Variants in ARAP3 observed in about 807,000 individuals in gnomAD.
ARAP3 encodes ArfGAP with RhoGAP domain, ankyrin repeat and PH domain 3.
In ARAP3, 82 loss-of-function variants were observed where a neutral mutation model predicts 169.2. The observed-to-expected ratio is 0.48, with a 90% CI of 0.41 to 0.58. The LOEUF is 0.58. ARAP3 is among the 20% of genes least tolerant of loss of function. ARAP3 has a pLI of 0.00. For missense variants in ARAP3, 1,764 were observed against 2,018.0 expected, an observed-to-expected ratio of 0.87 and a Z score of 2.41; for synonymous variants, 791 against 800.3, an observed-to-expected ratio of 0.99 and a Z score of 0.20.
chr5:141,678,005 C>T (rs537617076), intron 4 of ARAP3, among the ~76,000 whole-genome samples: 2 of 149,642 alleles, frequency 1.3e-5, no homozygotes, highest in East Asian at 2.0e-4. Context: ...TGGAGTGCAG[C>T]GGCACAACCT....
chr5:141,675,652 G>A (rs2099912078), intron 4 of ARAP3, among the ~76,000 whole-genome samples: 1 of 151,942 alleles, frequency 6.6e-6, no homozygotes, highest in Non-Finnish European at 1.5e-5. Context: ...GAACCTGGGA[G>A]GCGGAGGTTG....
Position 141,673,464 on chromosome 5 carries a change from A to G in ARAP3, c.909T>C (p.Tyr303=). 3.7e-6 allele frequency: 6 copies of G among 1,614,146 alleles called. No individual in the cohort carries two copies. The highest frequency in any genetic ancestry group is 4.2e-6 in the Non-Finnish European group (5 of 1,180,026). Residue 303 remains tyrosine (Y), a synonymous_variant, in exon 6 of 33, where the codon TAT becomes TAC. Coordinates refer to ENST00000239440, the MANE Select transcript of ARAP3 (RefSeq NM_022481.6). ...WLDKLSPQGN[Y]VFQRRFVQFN... is the part of the protein sequence containing the mutation. ...ACTGCACAAAGCGTCTCTGGAAGACATAGTTTCTGAGGAAGGAAGGAGCCA... is the reference window on the plus strand; with the variant it reads ...ACTGCACAAAGCGTCTCTGGAAGACGTAGTTTCTGAGGAAGGAAGGAGCCA...
Position 141,653,796 on chromosome 5 carries a change from C to A in ARAP3, c.*154G>T. 9.2e-7 allele frequency: 1 copy of A among 1,088,240 alleles called. No homozygotes were observed. Among genetic ancestry groups the A allele is most frequent in the Non-Finnish European group, 1.3e-6 (1 of 788,356 alleles). 67.4% of individuals were successfully genotyped at this position (1,088,240 alleles called of 1,614,324 possible). A position where few individuals can be genotyped will look rare whatever the true frequency, so the allele number is the denominator to read the frequency against. ...AGGGGCCATGACCTGTCCTGGGACA[C>A]GCAGCCACTGAAGCCTTTAGTCCAG... On this transcript the variant is annotated 3_prime_UTR_variant, in exon 33 of 33. Transcript: ENST00000239440.
chr5:141,665,260 G>A (rs1443795678), intron 18 of ARAP3, 51 bp downstream of exon 18: 2 of 1,603,496 alleles, frequency 1.2e-6, no homozygotes, highest in South Asian at 2.2e-5. Flanking sequence ...TGCAGAGTAT[G>A]GGCTCTGCTC....
intron 4 of ARAP3, 151 bp from the exon 5 acceptor site, chr5:141,673,959 CTTTT>C (rs10712701): frequency 4.1e-3 from 1,497 of 362,124 alleles, no homozygotes; most frequent in Middle Eastern, 8.8e-3. Flanking sequence ...TTCTTTTCTT[CTTTT>C]TTTTTTTTTT....
At chr5:141,659,313 C>T in intron 23 of ARAP3, 95 bp downstream of exon 23, 1 of 1,198,116 alleles carries the variant, frequency 8.3e-7, no homozygotes, top group Non-Finnish European at 1.2e-6. Context: ...TCCAGAAGGA[C>T]AGGCTGGAAA....
Position 141,666,646 on chromosome 5 carries a change from G to A in ARAP3, c.2353-3C>T, listed in dbSNP as rs915391699. The A allele has an allele frequency of 7.2e-7, 1 of 1,390,136 alleles. No homozygotes were observed. Among genetic ancestry groups the A allele is most frequent in the East Asian group, 2.8e-5 (1 of 35,254 alleles). The allele number at this position is 1,390,136 out of a possible 1,614,324, so 86.1% of individuals were successfully genotyped here. A position where few individuals can be genotyped will look rare whatever the true frequency, so the allele number is the denominator to read the frequency against. On this transcript the variant is annotated splice_polypyrimidine_tract_variant and splice_region_variant and intron_variant, in intron 16 of 32. Coordinates refer to ENST00000239440, the MANE Select transcript of ARAP3 (RefSeq NM_022481.6). ...TGGCAGCTCAGCGGGGAGAACCACT[G>A]TAGAGGCAGGGGGAGGACAGGAGAA...
Position 141,672,002 on chromosome 5 carries a change from T to C in ARAP3, c.1586-22A>G. ...TGACCTGTGAGGGTGTGAGGGTGTG[T>C]GAGGGTGTGTGAGGGTGTGAGGGGC... On this transcript the variant is annotated intron_variant, in intron 10 of 32. Coordinates refer to ENST00000239440, the MANE Select transcript of ARAP3 (RefSeq NM_022481.6). This position sits in a 1 kb window ranked among gnomAD's most constrained non-coding sequence, Gnocchi z 4.9. 1 of 1,613,764 alleles carries C rather than the reference T, an allele frequency of 6.2e-7. No individual in the cohort carries two copies.
Position 141,655,672 on chromosome 5 carries a change from A to G in ARAP3, c.4059T>C (p.Pro1353=), listed in dbSNP as rs1238223924. Residue 1353 remains proline, a synonymous_variant, in exon 31 of 33, where the codon CCT becomes CCC. Coordinates refer to ENST00000239440, the MANE Select transcript of ARAP3 (RefSeq NM_022481.6). ...TGGCTCCACTGTCATCCCCACGGATAGGCAGCAAAGGCATAGTGCCAAACT... is the reference window on the plus strand; with the variant it reads ...TGGCTCCACTGTCATCCCCACGGATGGGCAGCAAAGGCATAGTGCCAAACT... The part of the protein sequence containing the change: ...RQKFGTMPLL[P]IRGDDSGATL... 3 of 1,614,206 alleles carry G rather than the reference A, an allele frequency of 1.9e-6. No homozygotes were observed. The highest frequency in any genetic ancestry group is 1.7e-6 in the Non-Finnish European group (2 of 1,180,032).
At chr5:141,662,369 AGAG>A (rs1189357977) in intron 19 of ARAP3, 114 bp from the exon 20 acceptor site, 2 of 962,218 alleles carry the variant, frequency 2.1e-6, no homozygotes, top group Admixed American at 2.2e-5. Flanking sequence ...TGGGATTCAG[AGAG>A]GAGGAGATCT....
At chr5:141,675,394 T>G (rs2099912031) in intron 4 of ARAP3, among the ~76,000 whole-genome samples, 1 of 151,756 alleles carries the variant, frequency 6.6e-6, no homozygotes, top group African/African-American at 2.4e-5. Flanking sequence ...ACTCATAGTT[T>G]TAAAAATTCC....
chr5:141,655,262 CCT>C (rs2099909119), intron 32 of ARAP3, 98 bp downstream of exon 32: 12 of 1,005,232 alleles, frequency 1.2e-5, no homozygotes, highest in South Asian at 1.6e-5. Flanking sequence ...ACACACACCC[CCT>C]GATGGCCTAC....
At chr5:141,677,082 T>G (rs188970865) in intron 4 of ARAP3, among the ~76,000 whole-genome samples, 130 of 152,304 alleles carry the variant, frequency 8.5e-4, no homozygotes, top group African/African-American at 2.8e-3. Flanking sequence ...AAGTATGTAA[T>G]TTTAAACTTT....
In ARAP3 at chr5:141,655,758, G is replaced by A. The variant is rs144489640; in HGVS notation, c.3973C>T (p.His1325Tyr). ...AAGACCACTGGCTGCTGGTCATCGT[G>A]CTGGTGGGAGCGTGAGGGGTTGGCA... ...DWTTSILKAQ[H>Y]DDQQPVVLRR... is the part of the protein sequence containing the mutation. Residue 1325 changes from histidine to tyrosine, a missense_variant and splice_region_variant, in exon 31 of 33, where the codon CAC (histidine) becomes TAC (tyrosine). Physicochemically the swap from His to Tyr is moderately conservative, Grantham distance 83. Transcript: ENST00000239440. 1,624 of 1,614,084 alleles carry A rather than the reference G, an allele frequency of 1.0e-3. 31 individuals are homozygous for A. Among genetic ancestry groups the A allele is most frequent in the Non-Finnish European group, 2.0e-4 (238 of 1,180,028 alleles).
chr5:141,666,438 C>T lies in ARAP3; in HGVS notation c.2558G>A (p.Arg853Gln), dbSNP rs756918238. 3.2e-6 allele frequency: 5 copies of T among 1,585,452 alleles called. No homozygotes were observed. The highest frequency in any genetic ancestry group is 1.4e-5 in the African/African-American group (1 of 73,702). ...TCCCCGCTTACTGATCTCCTGTAGCCGCCGCAGATGCACCATGTCCTCAGG... is the reference window on the plus strand; with the variant it reads ...TCCCCGCTTACTGATCTCCTGTAGCTGCCGCAGATGCACCATGTCCTCAGG... ...PAPEDMVHLR[R>Q]LQEISVVSAA... Residue 853 changes from arginine (R) to glutamine (Q), a missense_variant, in exon 17 of 33, where the codon CGG becomes CAG. This residue lies in a region of ARAP3 where 1,112 missense variants were observed against 1,285.7 expected (regional missense o/e 0.86). Transcript: ENST00000239440.
In ARAP3 at chr5:141,658,359, A is replaced by G; in HGVS notation, c.3526+6T>C. 1 of 1,612,550 alleles carries G rather than the reference A, an allele frequency of 6.2e-7. No individual in the cohort carries two copies. Among genetic ancestry groups the G allele is most frequent in the Non-Finnish European group, 8.5e-7 (1 of 1,179,898 alleles). Reference sequence around the variant, plus strand: ...TGCATGAACACACAGGCGTGGTCATACTCACCCAGCTCCCCATGCTCGCGA... The same window carrying G: ...TGCATGAACACACAGGCGTGGTCATGCTCACCCAGCTCCCCATGCTCGCGA... On this transcript the variant is annotated splice_donor_region_variant and intron_variant, in intron 25 of 32. Transcript: ENST00000239440.
intron 1 of ARAP3, chr5:141,680,769 T>C: frequency 2.0e-6 from 1 of 501,882 alleles, no homozygotes; most frequent in Non-Finnish European, 3.4e-6. Flanking sequence ...AGTGCTAGAG[T>C]TGGCCCCTCA....
At chr5:141,659,122 T>C (rs10477149) in intron 23 of ARAP3, among the ~76,000 whole-genome samples, 3,033 of 152,264 alleles carry the variant, frequency 0.02, 98 homozygotes, top group African/African-American at 0.07. Flanking sequence ...CTCTTACACT[T>C]AGTAGTATGG....
chr5:141,656,495 G>C lies in ARAP3; in HGVS notation c.3789+9C>G. On this transcript the variant is annotated intron_variant, in intron 27 of 32. Coordinates refer to ENST00000239440, the MANE Select transcript of ARAP3 (RefSeq NM_022481.6). ...CCAGCATCCCACACCTCTGGCCCCA[G>C]GGCCTCACTTTCTTCTCCTTGAGCA... The C allele has an allele frequency of 6.2e-7, 1 of 1,610,010 alleles. No homozygotes were observed. The highest frequency in any genetic ancestry group is 8.5e-7 in the Non-Finnish European group (1 of 1,178,164).
Sources: allele counts gnomAD v4.1 joint callset (sites outside exome capture counted in the v4.1 genomes callset), GRCh38; gene constraint gnomAD v4.1.1; regional missense constraint gnomAD v4.1.1; non-coding constraint Gnocchi (gnomAD v3.1); transcripts MANE v1.5; gene names NCBI Gene and HGNC (gene_info 2026-07-23, HGNC 2026-07-21).